SPO11: variants seen among roughly 807,000 people sequenced by gnomAD.
The protein encoded by SPO11 is SPO11 initiator of meiotic double strand breaks, also known as meiotic recombination protein SPO11.
A neutral mutation model predicts 51.6 loss-of-function variants in SPO11; 49 were observed. The ratio of observed to expected loss-of-function variants is 0.95; its 90% CI spans 0.75 to 1.20. The LOEUF (loss-of-function observed/expected upper bound fraction) is 1.20. SPO11 is among the 50% of genes most tolerant of loss of function. SPO11 has a pLI of 0.00. For synonymous variants in SPO11, 176 were observed against 158.2 expected (o/e 1.11, Z -0.84); for missense variants, 431 against 473.4 (o/e 0.91, Z 0.83).
At chr20:57,334,703 A>C in intron 5 of SPO11, 47 bp from the exon 6 acceptor site, 1 of 1,492,240 alleles carries the variant, frequency 6.7e-7, no homozygotes, top group South Asian at 1.2e-5. Flanking sequence ...AATAGCATAA[A>C]ACATATTCGT....
chr20:57,339,797 G>A (rs2066558126), intron 10 of SPO11, among the ~76,000 whole-genome samples: 1 of 152,150 alleles, frequency 6.6e-6, no homozygotes, highest in African/African-American at 2.4e-5. Context: ...GGAGTGCGGT[G>A]GTGCAGTGAC....
chr20:57,340,879 A>C (rs2066573437), intron 11 of SPO11, among the ~76,000 whole-genome samples: 2 of 152,216 alleles, frequency 1.3e-5, no homozygotes, highest in South Asian at 4.1e-4. Flanking sequence ...CTTCAAAAGA[A>C]AAATATCATT....
rs370928046 is a variant in SPO11 at position 57,343,797 on chromosome 20, AC to A, written c.*338del. The A allele has an allele frequency of 6.2e-6, 1 of 160,500 alleles. No individual in the cohort carries two copies. 9.9% of individuals were successfully genotyped at this position (160,500 alleles called of 1,614,324 possible). A position where few individuals can be genotyped will look rare whatever the true frequency, so the allele number is the denominator to read the frequency against. On this transcript the variant is annotated 3_prime_UTR_variant, in exon 13 of 13. Transcript: ENST00000371263. The stretch of plus-strand genomic sequence containing the variant: ...CAAAATATTTACCTTCTACGATACA[AC>A]TAATGTTAACGCATAAAGTATCTTA...
At chr20:57,334,870 A>T in intron 6 of SPO11, 34 bp downstream of exon 6, 2 of 1,562,104 alleles carry the variant, frequency 1.3e-6, no homozygotes, top group Non-Finnish European at 1.8e-6. Context: ...CACAGCTTTA[A>T]CTCTTCTAGC....
Position 57,339,010 on chromosome 20 carries a change from A to G in SPO11, c.866A>G (p.Tyr289Cys), listed in dbSNP as rs749863814. Residue 289 changes from tyrosine (Y) to cysteine (C), a missense_variant, in exon 10 of 13, where the codon TAT becomes TGT. Physicochemically the swap from Tyr to Cys is radical, Grantham distance 194. Coordinates refer to ENST00000371263, the MANE Select transcript of SPO11 (RefSeq NM_012444.3). ...DPHGIEIMCI[Y>C]KYGSMSMSFE... ...ACAGGCATAGAAATAATGTGCATCT[A>G]TAAGTATGGATCTATGGTAAGTATA... The G allele has an allele frequency of 4.0e-6, 6 of 1,489,416 alleles. No individual in the cohort carries two copies. Among genetic ancestry groups the G allele is most frequent in the Non-Finnish European group, 5.5e-6 (6 of 1,093,048 alleles). The allele number at this position is 1,489,416 out of a possible 1,614,324, so 92.3% of individuals were successfully genotyped here. A position where few individuals can be genotyped will look rare whatever the true frequency, so the allele number is the denominator to read the frequency against.
Position 57,338,377 on chromosome 20 carries a change from T to C in SPO11, c.844+2T>C. The C allele has an allele frequency of 6.3e-7, 1 of 1,584,110 alleles. No individual in the cohort carries two copies. The highest frequency in any genetic ancestry group is 8.7e-7 in the Non-Finnish European group (1 of 1,153,326). ...CTCTTGTAGATGCTGATCCACATGG[T>C]AATTTATCACTGGACTATTTACAAC... On this transcript the variant is annotated splice_donor_variant, in intron 9 of 12. Transcript: ENST00000371263. LOFTEE classifies it high-confidence loss of function.
chr20:57,342,693 CTTT>C (rs2066597382), intron 11 of SPO11, 33 bp from the exon 12 acceptor site: 2 of 1,390,952 alleles, frequency 1.4e-6, no homozygotes, highest in African/African-American at 2.9e-5. Flanking sequence ...TACAGAAACA[CTTT>C]TTTACTGATT....
Position 57,333,174 on chromosome 20 carries a change from A to T in SPO11, c.246-14A>T. The T allele has an allele frequency of 6.3e-7, 1 of 1,589,368 alleles. No homozygotes were observed. The highest frequency in any genetic ancestry group is 8.5e-7 in the Non-Finnish European group (1 of 1,171,416). On this transcript the variant is annotated splice_polypyrimidine_tract_variant and intron_variant, in intron 2 of 12. Coordinates refer to ENST00000371263, the MANE Select transcript of SPO11 (RefSeq NM_012444.3). Reference sequence around the variant, plus strand: ...CTTTTTCACTTTTTTCCTTTGCTTTAAACAAAATGACAGGTTTGAAGATTC... The same window carrying T: ...CTTTTTCACTTTTTTCCTTTGCTTTTAACAAAATGACAGGTTTGAAGATTC...
rs746141651 is a variant in SPO11 at position 57,333,087 on chromosome 20, T to C, written c.246-101T>C. ...CTTCAGTGCTTAAATTGAGAAGAAA[T>C]GTGGGTTTTAAATGATGTGCAGAAG... On this transcript the variant is annotated intron_variant, in intron 2 of 12. Coordinates refer to ENST00000371263, the MANE Select transcript of SPO11 (RefSeq NM_012444.3). The C allele has an allele frequency of 1.0e-4, 82 of 782,760 alleles. 1 individual carries two copies. The Middle Eastern group carries it at 1.9e-3, about 18-fold the overall frequency. The allele number at this position is 782,760 out of a possible 1,614,324, so 48.5% of individuals were successfully genotyped here.
chr20:57,332,496 G>C (rs149849607), intron 2 of SPO11, among the ~76,000 whole-genome samples: 2 of 152,108 alleles, frequency 1.3e-5, no homozygotes, highest in Non-Finnish European at 2.9e-5. Context: ...TAGTTATACC[G>C]GTTTTTTCCA....
chr20:57,340,405 C>G (rs2066566940), intron 11 of SPO11, among the ~76,000 whole-genome samples: 1 of 152,182 alleles, frequency 6.6e-6, no homozygotes, highest in Admixed American at 6.5e-5. Flanking sequence ...TTTCAGCTAG[C>G]TAAAACTTTC....
At position 57,340,120 on chromosome 20, in the gene SPO11, C is replaced by A; in HGVS notation, c.901C>A (p.His301Asn). The part of the protein sequence containing the change: ...YGSMSMSFEA[H>N]HLTVPAIRWL... ...ATTTTAGTCTATGTCTTTTGAAGCTCATCATCTCACAGTTCCAGCTATTAG... is the reference window on the plus strand; with the variant it reads ...ATTTTAGTCTATGTCTTTTGAAGCTAATCATCTCACAGTTCCAGCTATTAG... The change falls in exon 11 of 13, where the codon CAT (histidine) becomes AAT (asparagine). Residue 301 changes from histidine to asparagine, a missense_variant. Physicochemically the swap from His to Asn is moderately conservative, Grantham distance 68. Coordinates refer to ENST00000371263, the MANE Select transcript of SPO11 (RefSeq NM_012444.3). 6.2e-7 allele frequency: 1 copy of A among 1,611,870 alleles called. No homozygotes were observed. The highest frequency in any genetic ancestry group is 1.1e-5 in the South Asian group (1 of 91,024).
rs776680181 is a variant in SPO11, at chr20:57,334,837, G to C, written c.597+1G>C. 6.2e-7 allele frequency: 1 copy of C among 1,612,256 alleles called. No homozygotes were observed. The highest frequency in any genetic ancestry group is 1.7e-5 in the Admixed American group (1 of 59,934). ...AGTGAATTGTACCTGTGGTGCAACG[G>C]TAAGAAGCATCATTGAAGTTTTCAC... On this transcript the variant is annotated splice_donor_variant, in intron 6 of 12. Transcript: ENST00000371263. LOFTEE classifies it high-confidence loss of function.
At position 57,333,723 on chromosome 20, in the gene SPO11, T is replaced by G; in HGVS notation, c.371T>G (p.Leu124Ter). The change falls in exon 4 of 13, where the codon TTA (leucine) becomes TGA (stop). Residue 124 changes from leucine (L) to a stop codon, truncating the protein, a stop_gained. Transcript: ENST00000371263. LOFTEE classifies it high-confidence loss of function. ...AAAATATTGTCCATGATTTATAAAT[T>G]AGTACAGAGCAACACTTATGCAACC... ...ILKILSMIYK[L>*]VQSNTYATKR... is the part of the protein sequence containing the mutation. 1 of 1,512,516 alleles carries G rather than the reference T, an allele frequency of 6.6e-7. No individual in the cohort carries two copies. The highest frequency in any genetic ancestry group is 1.2e-5 in the South Asian group (1 of 85,708). 93.7% of individuals were successfully genotyped at this position (1,512,516 alleles called of 1,614,324 possible).
intron 9 of SPO11, among the ~76,000 whole-genome samples, chr20:57,338,696 C>T (rs748827564): frequency 3.3e-5 from 5 of 151,936 alleles, no homozygotes; most frequent in Admixed American, 6.6e-5. Flanking sequence ...CTGCCCACCT[C>T]GGCATCCCAA....
At chr20:57,335,651 T>C in intron 7 of SPO11, 147 bp from the exon 8 acceptor site, 1 of 680,354 alleles carries the variant, frequency 1.5e-6, no homozygotes, top group Non-Finnish European at 2.5e-6. Flanking sequence ...TATCTGAATA[T>C]ATGAATAGAT....
intron 10 of SPO11, among the ~76,000 whole-genome samples, chr20:57,339,397 C>A (rs1265778907): frequency 1.3e-5 from 2 of 152,142 alleles, no homozygotes; most frequent in African/African-American, 4.8e-5. Flanking sequence ...TTTTCTCCCA[C>A]CATAAGGAGA....
intron 10 of SPO11, among the ~76,000 whole-genome samples, 163 bp downstream of exon 10, chr20:57,339,189 G>A (rs1418805197): frequency 6.6e-6 from 1 of 152,074 alleles, no homozygotes; most frequent in Non-Finnish European, 1.5e-5. Flanking sequence ...GTCGGTGGCT[G>A]TGACTCCAGC....
rs1316875996 is a variant in SPO11, at chr20:57,329,888, G to A, written c.21G>A (p.Gly7=). The A allele has an allele frequency of 6.2e-7, 1 of 1,613,662 alleles. No individual in the cohort carries two copies. The highest frequency in any genetic ancestry group is 1.3e-5 in the African/African-American group (1 of 74,948). MAFAPM[G]PEASFFDVLD... is the part of the protein sequence containing the mutation. ...CCCTCATGGCCTTTGCACCTATGGG[G>A]CCCGAGGCCTCGTTCTTCGACGTTT... Residue 7 remains glycine, a synonymous_variant, in exon 1 of 13, where the codon GGG becomes GGA. Coordinates refer to ENST00000371263, the MANE Select transcript of SPO11 (RefSeq NM_012444.3).
Sources: allele counts gnomAD v4.1 joint callset (sites outside exome capture counted in the v4.1 genomes callset), GRCh38; gene constraint gnomAD v4.1.1; transcripts MANE v1.5; gene names NCBI Gene and HGNC (gene_info 2026-07-23, HGNC 2026-07-21).